SAP130: variants seen among roughly 807,000 people sequenced by gnomAD.
SAP130 encodes the protein Sin3A associated protein 130.
In SAP130, 16 loss-of-function variants were observed where a neutral mutation model predicts 103.2. The observed-to-expected ratio is 0.16, with a 90% confidence interval of 0.10 to 0.24. The LOEUF (loss-of-function observed/expected upper bound fraction) is 0.24, where lower values mean the gene tolerates loss of function less well. Ranked by LOEUF, SAP130 falls within the 10% of genes least tolerant of loss-of-function variation. The pLI is 1.00. For synonymous variants in SAP130, 477 were observed against 497.0 expected (o/e 0.96, Z 0.53); for missense variants, 990 against 1,359.7 (o/e 0.73, Z 4.28).
chr2:127,949,943 A>G lies in SAP130; in HGVS notation c.2723T>C (p.Leu908Ser). ...VPVRPRPPIT[L>S]LRHYRNPWKA... is the part of the protein sequence containing the mutation. Reference sequence around the variant, plus strand: ...CCAGGGGTTCCGATAGTGACGAAGCAAAGTAATGGGGGGTCTTGGACGCAC... The same window carrying G: ...CCAGGGGTTCCGATAGTGACGAAGCGAAGTAATGGGGGGTCTTGGACGCAC... The change falls in exon 18 of 21, where the codon TTG (leucine) becomes TCG (serine). Residue 908 changes from leucine to serine, a missense_variant. This residue lies in a region of SAP130 where 61 missense variants were observed against 73.8 expected (regional missense o/e 0.83). Transcript: ENST00000643581. The G allele has an allele frequency of 6.2e-7, 1 of 1,614,192 alleles. No individual in the cohort carries two copies. The highest frequency in any genetic ancestry group is 8.5e-7 in the Non-Finnish European group (1 of 1,180,028).
At position 128,010,348 on chromosome 2, in the gene SAP130, C is replaced by T. The variant is rs758230037; in HGVS notation, c.790G>A (p.Val264Ile). ...TTSNAIPPAV[V>I]ATVSATRAQS... is the part of the protein sequence containing the mutation. ...GCTCTGGTGGCTGAGACAGTTGCTA[C>T]CACAGCAGGAGGGATGGCATTGGAG... The change falls in exon 7 of 21, where the codon GTA becomes ATA. Residue 264 changes from valine (V) to isoleucine (I), a missense_variant. Coordinates refer to ENST00000643581, the MANE Select transcript of SAP130 (RefSeq NM_001330301.2). The T allele has an allele frequency of 8.0e-5, 129 of 1,613,818 alleles. No homozygotes were observed. Among genetic ancestry groups the T allele is most frequent in the Admixed American group, 7.2e-4 (43 of 59,986 alleles).
chr2:128,025,141 A>G (rs1479951416), intron 2 of SAP130, among the ~76,000 whole-genome samples: 1 of 152,222 alleles, frequency 6.6e-6, no homozygotes, highest in Non-Finnish European at 1.5e-5. Context: ...GCAATGTCAT[A>G]TATTTACTTA....
intron 14 of SAP130, among the ~76,000 whole-genome samples, chr2:127,983,268 A>G (rs1682089808): frequency 6.6e-6 from 1 of 152,184 alleles, no homozygotes. Context: ...CAAAATTTTT[A>G]ATGTTATTTC....
intron 12 of SAP130, among the ~76,000 whole-genome samples, chr2:127,990,289 A>T (rs981086757): frequency 6.6e-6 from 1 of 152,166 alleles, no homozygotes; most frequent in Non-Finnish European, 1.5e-5. Context: ...AATGGCATGT[A>T]TCCACCAGAA....
In SAP130 at chr2:127,947,764, C is replaced by CTGTGTGTGAGAGTG. The variant is rs1553500425; in HGVS notation, c.2797+2104_2797+2105insCACTCTCACACACA. Among the ~76,000 whole-genome samples, 39 of 143,422 alleles carry CTGTGTGTGAGAGTG rather than the reference C, an allele frequency of 2.7e-4. 2 individuals carry two copies. The South Asian group carries it at 6.3e-3, about 23-fold the overall frequency. 94.1% of individuals were successfully genotyped at this position (143,422 alleles called of 152,430 possible). On this transcript the variant is annotated intron_variant, in intron 18 of 20. Coordinates refer to ENST00000643581, the MANE Select transcript of SAP130 (RefSeq NM_001330301.2). ...TGAATTAATTTTGTATTGTGTGTGT[C>CTGTGTGTGAGAGTG]TGTGTGTGTGTGTGTGTGTGTGTGT...
At chr2:127,968,025 CTGAG>C (rs1377419636) in intron 15 of SAP130, among the ~76,000 whole-genome samples, 4 of 152,004 alleles carry the variant, frequency 2.6e-5, no homozygotes, top group Non-Finnish European at 5.9e-5. Context: ...GACTTCTTCC[CTGAG>C]TCAGGTAACG....
At chr2:127,980,852 G>A (rs183933010) in intron 14 of SAP130, among the ~76,000 whole-genome samples, 10 of 151,752 alleles carry the variant, frequency 6.6e-5, no homozygotes, top group Admixed American at 4.6e-4. Flanking sequence ...AGCTGTGATC[G>A]CGCCACCACA....
chr2:127,974,804 ACT>A (rs897557883), intron 15 of SAP130, among the ~76,000 whole-genome samples: 1 of 152,120 alleles, frequency 6.6e-6, no homozygotes, highest in Non-Finnish European at 1.5e-5. Flanking sequence ...CAAGAGTGAA[ACT>A]CTGTCTCAAA....
chr2:127,986,244 G>A lies in SAP130; in HGVS notation c.1958+541C>T, dbSNP rs1160689877. On this transcript the variant is annotated intron_variant, in intron 14 of 20. Coordinates refer to ENST00000643581, the MANE Select transcript of SAP130 (RefSeq NM_001330301.2). This position sits in a 1 kb window ranked among gnomAD's most constrained non-coding sequence, Gnocchi z 4.7. The stretch of plus-strand genomic sequence containing the variant: ...CACTCTGTAACACATGCCCACTGGG[G>A]TTTCAGCTGTAAACATTCACCTCTA... Among the ~76,000 whole-genome samples, 1 of 152,204 alleles carries A rather than the reference G, an allele frequency of 6.6e-6. No individual in the cohort carries two copies. Among genetic ancestry groups the A allele is most frequent in the Non-Finnish European group, 1.5e-5 (1 of 68,034 alleles).
At chr2:128,004,304 G>C (rs1683803020) in intron 7 of SAP130, among the ~76,000 whole-genome samples, 1 of 149,636 alleles carries the variant, frequency 6.7e-6, no homozygotes, top group Admixed American at 6.7e-5. Context: ...AACTGCCAAA[G>C]GTAGGGACAA....
intron 16 of SAP130, among the ~76,000 whole-genome samples, chr2:127,952,593 T>C (rs1679570462): frequency 6.6e-6 from 1 of 152,112 alleles, no homozygotes; most frequent in South Asian, 2.1e-4. Flanking sequence ...TTGCCCCCAG[T>C]CATGCTTTTA....
chr2:128,013,010 C>A lies in SAP130; in HGVS notation c.744+20G>T, dbSNP rs1349102927. ...AATAACTCCAATGAGGCCCTTAATG[C>A]ACCCCAGGCTCCGACGTGCCTGGAT... On this transcript the variant is annotated intron_variant, in intron 6 of 20. Coordinates refer to ENST00000643581, the MANE Select transcript of SAP130 (RefSeq NM_001330301.2). The A allele has an allele frequency of 5.0e-6, 8 of 1,594,976 alleles. No individual in the cohort carries two copies. Among genetic ancestry groups the A allele is most frequent in the South Asian group, 2.3e-5 (2 of 88,516 alleles).
At chr2:128,006,831 T>C (rs1684013245) in intron 7 of SAP130, among the ~76,000 whole-genome samples, 1 of 152,222 alleles carries the variant, frequency 6.6e-6, no homozygotes, top group Admixed American at 6.5e-5. Flanking sequence ...TGAGAGATAG[T>C]GCTTAAAATT....
chr2:128,008,164 T>C (rs147832655), intron 7 of SAP130, among the ~76,000 whole-genome samples: 4 of 152,332 alleles, frequency 2.6e-5, no homozygotes, highest in Admixed American at 6.5e-5. Context: ...TCTCTTCTTG[T>C]CTGCACTATT....
chr2:127,993,693 C>CA (rs1414505949), intron 11 of SAP130, among the ~76,000 whole-genome samples: 2 of 152,084 alleles, frequency 1.3e-5, no homozygotes, highest in African/African-American at 4.8e-5. Context: ...CAAATAATCC[C>CA]AATTTCATTC....
intron 15 of SAP130, among the ~76,000 whole-genome samples, chr2:127,975,483 A>G (rs1221575911): frequency 2.0e-5 from 3 of 152,240 alleles, no homozygotes; most frequent in African/African-American, 7.2e-5. Context: ...GCTTTAATAT[A>G]ATCTTTCAGT....
Position 127,965,558 on chromosome 2 carries a change from A to C in SAP130, c.2064-10214T>G, listed in dbSNP as rs572966430. On this transcript the variant is annotated intron_variant, in intron 15 of 20. Transcript: ENST00000643581. ...TAATCCCAGCACTTTGGGAGGCTGA[A>C]GCGAGTGGATCATTTGAGATTAGGA... Among the ~76,000 whole-genome samples, 4 of 151,996 alleles carry C rather than the reference A, an allele frequency of 2.6e-5. No individual in the cohort carries two copies. In the South Asian group the frequency reaches 8.3e-4, roughly 32 times the overall value.
Position 127,953,791 on chromosome 2 carries a change from CTT to C in SAP130, c.2422+1193_2422+1194del, listed in dbSNP as rs372477350. The stretch of plus-strand genomic sequence containing the variant: ...CTCAGTGAGGCTTTCTCCTAAAACT[CTT>C]TACACACATTCCAGCCCTGGCTACA... On this transcript the variant is annotated intron_variant, in intron 16 of 20. Transcript: ENST00000643581. This position sits in a 1 kb window ranked among gnomAD's most constrained non-coding sequence, Gnocchi z 4.0. Among the ~76,000 whole-genome samples, 51 of 152,308 alleles carry C rather than the reference CTT, an allele frequency of 3.3e-4. 1 individual carries two copies. The South Asian group carries it at 6.4e-3, about 19-fold the overall frequency.
chr2:127,968,907 C>G (rs1680870878), intron 15 of SAP130, among the ~76,000 whole-genome samples: 1 of 152,210 alleles, frequency 6.6e-6, no homozygotes, highest in Admixed American at 6.6e-5. Context: ...AGCCCAACAT[C>G]AGTTTTGCAG....
Sources: allele counts gnomAD v4.1 joint callset (sites outside exome capture counted in the v4.1 genomes callset), GRCh38; gene constraint gnomAD v4.1.1; regional missense constraint gnomAD v4.1.1; non-coding constraint Gnocchi (gnomAD v3.1); transcripts MANE v1.5; gene names NCBI Gene and HGNC (gene_info 2026-07-23, HGNC 2026-07-21).